The following FAF1 variants were observed in gnomAD, a reference collection of about 807,000 sequenced individuals.
The protein encoded by FAF1 is FAS-associated factor 1.
FAF1 carries 25 observed loss-of-function variants against 92.5 expected under a neutral mutation model. The observed-to-expected ratio is 0.27, with a 90% CI of 0.20 to 0.38. The LOEUF is 0.38. FAF1 is among the 10% of genes least tolerant of loss of function. FAF1 has a pLI of 1.00. For synonymous variants in FAF1, 234 were observed against 273.2 expected (o/e 0.86, Z 1.42); for missense variants, 636 against 793.3 (o/e 0.80, Z 2.38).
At chr1:50,578,322 G>A (rs958052824) in intron 12 of FAF1, among the ~76,000 whole-genome samples, 1 of 152,184 alleles carries the variant, frequency 6.6e-6, no homozygotes, top group Non-Finnish European at 1.5e-5. Context: ...TAGTAAGAGT[G>A]CCACAGTATC....
At chr1:50,873,912 A>G (rs946419637) in intron 1 of FAF1, among the ~76,000 whole-genome samples, 6 of 152,206 alleles carry the variant, frequency 3.9e-5, no homozygotes, top group Non-Finnish European at 7.3e-5. Flanking sequence ...TCATTGCTAG[A>G]GAACAGAGGT....
At chr1:50,588,041 C>T (rs1651323141) in intron 9 of FAF1, among the ~76,000 whole-genome samples, 1 of 152,102 alleles carries the variant, frequency 6.6e-6, no homozygotes, top group Non-Finnish European at 1.5e-5. Context: ...AATCCCAGCA[C>T]TTTCAGAGGC....
At chr1:50,816,634 T>G (rs1643979457) in intron 2 of FAF1, among the ~76,000 whole-genome samples, 1 of 152,204 alleles carries the variant, frequency 6.6e-6, no homozygotes, top group South Asian at 2.1e-4. Context: ...CTGTAGGTTG[T>G]TTGTTTACTA....
chr1:50,707,829 T>C (rs1312952424), intron 6 of FAF1, among the ~76,000 whole-genome samples: 1 of 152,252 alleles, frequency 6.6e-6, no homozygotes, highest in Non-Finnish European at 1.5e-5. Flanking sequence ...GAGTCATTCA[T>C]CTTTGTATCT....
At chr1:50,841,487 T>C (rs1644255926) in intron 2 of FAF1, among the ~76,000 whole-genome samples, 4 of 152,046 alleles carry the variant, frequency 2.6e-5, no homozygotes, top group Admixed American at 2.0e-4. Context: ...ATAATATCCA[T>C]GTATATTCAT....
At chr1:50,735,714 TA>T (rs1659110389) in intron 6 of FAF1, among the ~76,000 whole-genome samples, 1 of 152,160 alleles carries the variant, frequency 6.6e-6, no homozygotes, top group Non-Finnish European at 1.5e-5. Flanking sequence ...ATAACTATTT[TA>T]TTTTATTTAT....
chr1:50,838,558 A>AT (rs1028201150), intron 2 of FAF1, among the ~76,000 whole-genome samples: 5 of 88,580 alleles, frequency 5.6e-5, no homozygotes, highest in African/African-American at 1.4e-4. Context: ...ATAAATTAAA[A>AT]ATATATATAT....
intron 7 of FAF1, among the ~76,000 whole-genome samples, chr1:50,677,118 A>C (rs1001735283): frequency 6.6e-6 from 1 of 152,242 alleles, no homozygotes; most frequent in African/African-American, 2.4e-5. Context: ...AATATTATTA[A>C]GATAAACCCA....
chr1:50,637,681 A>ATATGTGTGTG (rs1553123409), intron 8 of FAF1, among the ~76,000 whole-genome samples: 8,005 of 137,000 alleles, frequency 0.058, 306 homozygotes, highest in Middle Eastern at 0.08. Context: ...ACATATATAT[A>ATATGTGTGTG]TGTGTGTGTG....
chr1:50,690,179 G>T (rs1656858267), intron 7 of FAF1, among the ~76,000 whole-genome samples: 1 of 151,618 alleles, frequency 6.6e-6, no homozygotes, highest in Admixed American at 6.6e-5. Context: ...GTAGAAACTG[G>T]GTTTCAGCGT....
rs371223595 is a variant in FAF1 at position 50,779,670 on chromosome 1, G to C, written c.367+8330C>G. Among the ~76,000 whole-genome samples the C allele has an allele frequency of 1.9e-4, 29 of 151,872 alleles. No homozygotes were observed. In the South Asian group the frequency reaches 5.8e-3, roughly 31 times the overall value. Reference sequence around the variant, plus strand: ...GACACCAATAACAAAAAAACGTTTGGGGGTGGAGGGAAGTAAAAGAGTATT... The same window carrying C: ...GACACCAATAACAAAAAAACGTTTGCGGGTGGAGGGAAGTAAAAGAGTATT... On this transcript the variant is annotated intron_variant, in intron 4 of 18. Coordinates refer to ENST00000396153, the MANE Select transcript of FAF1 (RefSeq NM_007051.3).
intron 2 of FAF1, among the ~76,000 whole-genome samples, chr1:50,855,295 GTAAGCA>G (rs1644382023): frequency 6.6e-6 from 1 of 151,736 alleles, no homozygotes; most frequent in African/African-American, 2.4e-5. Context: ...TGGATGCACT[GTAAGCA>G]CTCAGTGCTC....
At chr1:50,470,097 T>C (rs1171615795) in intron 18 of FAF1, among the ~76,000 whole-genome samples, 1 of 152,208 alleles carries the variant, frequency 6.6e-6, no homozygotes, top group Non-Finnish European at 1.5e-5. Context: ...CTTAGTCTAA[T>C]ATAAATTGAA....
At chr1:50,836,951 CTT>C (rs528322924) in intron 2 of FAF1, among the ~76,000 whole-genome samples, 86 of 76,678 alleles carry the variant, frequency 1.1e-3, no homozygotes, top group African/African-American at 4.1e-3. Flanking sequence ...TGTTATGTTT[CTT>C]TTTTTTTTTT....
At chr1:50,540,828 TAAC>T (rs2149040807) in intron 13 of FAF1, among the ~76,000 whole-genome samples, 1 of 152,288 alleles carries the variant, frequency 6.6e-6, no homozygotes, top group East Asian at 1.9e-4. Context: ...GGACTTTTAA[TAAC>T]ACAGGTCACA....
chr1:50,627,123 G>A (rs939671882), intron 8 of FAF1, among the ~76,000 whole-genome samples: 2 of 152,144 alleles, frequency 1.3e-5, no homozygotes, highest in Non-Finnish European at 2.9e-5. Context: ...CTCTTCTGGA[G>A]CTAACATGAG....
chr1:50,610,124 T>C (rs936472432), intron 8 of FAF1, among the ~76,000 whole-genome samples: 2 of 152,230 alleles, frequency 1.3e-5, no homozygotes, highest in Non-Finnish European at 2.9e-5. Context: ...TGATCAAATC[T>C]TCCGTGGTTC....
intron 4 of FAF1, among the ~76,000 whole-genome samples, chr1:50,758,494 T>C (rs1454152304): frequency 1.3e-5 from 2 of 152,380 alleles, no homozygotes. Context: ...ACAAATGCTA[T>C]AATACATTGC....
intron 15 of FAF1, among the ~76,000 whole-genome samples, chr1:50,533,201 AGCTGGGACTACAGGCAC>A (rs1648274389): frequency 1.3e-5 from 2 of 152,096 alleles, no homozygotes. Context: ...CTCTCCAAGT[AGCTGGGACTACAGGCAC>A]GCAACACCAC....
Sources: allele counts gnomAD v4.1 joint callset (sites outside exome capture counted in the v4.1 genomes callset), GRCh38; gene constraint gnomAD v4.1.1; transcripts MANE v1.5; gene names NCBI Gene and HGNC (gene_info 2026-07-23, HGNC 2026-07-21).